PRKAR2A: variants seen among roughly 807,000 people sequenced by gnomAD.
PRKAR2A encodes cAMP-dependent protein kinase type II-alpha regulatory subunit.
PRKAR2A carries 29 observed loss-of-function variants against 51.9 expected under a neutral mutation model. That is an observed-to-expected ratio of 0.56 (90% CI 0.42 to 0.76). The LOEUF is 0.76. Ranked by LOEUF, PRKAR2A falls within the 30% of genes least tolerant of loss-of-function variation. The pLI, the probability that PRKAR2A is intolerant of heterozygous loss-of-function variation, is 0.00. For missense variants in PRKAR2A, 445 were observed against 512.1 expected, an observed-to-expected ratio of 0.87 and a Z score of 1.26; for synonymous variants, 178 against 186.2, an observed-to-expected ratio of 0.96 and a Z score of 0.36.
rs556357751 is a variant in PRKAR2A at position 48,751,486 on chromosome 3, C to T, written c.*99G>A. ...ACAGCAATGGCAGCAGTGGCGGCAA[C>T]GGCAGGAACAGTTCTGTCATGTCTG... On this transcript the variant is annotated 3_prime_UTR_variant, in exon 11 of 11. Transcript: ENST00000265563. 13 of 1,529,234 alleles carry T rather than the reference C, an allele frequency of 8.5e-6. No homozygotes were observed. The Middle Eastern group carries it at 5.1e-4, about 60-fold the overall frequency. The allele number at this position is 1,529,234 out of a possible 1,614,324, so 94.7% of individuals were successfully genotyped here.
intron 9 of PRKAR2A, among the ~76,000 whole-genome samples, chr3:48,754,132 C>G (rs1489431003): frequency 6.6e-6 from 1 of 151,912 alleles, no homozygotes; most frequent in African/African-American, 2.4e-5. Flanking sequence ...GATCTCCTGA[C>G]CTCGTGATCC....
At chr3:48,839,702 C>T (rs1386504350) in intron 1 of PRKAR2A, among the ~76,000 whole-genome samples, 1 of 139,860 alleles carries the variant, frequency 7.2e-6, no homozygotes, top group African/African-American at 2.6e-5. Flanking sequence ...AAGGACCTCA[C>T]TAAGCAAAGC....
chr3:48,821,825 GA>G (rs2082966547), intron 1 of PRKAR2A, among the ~76,000 whole-genome samples: 1 of 151,204 alleles, frequency 6.6e-6, no homozygotes, highest in Non-Finnish European at 1.5e-5. Flanking sequence ...TGAGGCAGCA[GA>G]ATCGCTTGAA....
rs139959307 is a variant in PRKAR2A, at chr3:48,847,408, C to T, written c.189G>A (p.Pro63=). The change falls in exon 1 of 11, where the codon CCG becomes CCA. Residue 63 remains proline, a synonymous_variant. Transcript: ENST00000265563. The surrounding 1 kb of genome is among the most constrained non-coding windows in gnomAD (Gnocchi z 4.4). ...ATPRQSLGHP[P]PEPGPDRVAD... ...CGACACGGTCCGGGCCGGGTTCTGG[C>T]GGGGGGTGGCCCAGGCTCTGGCGTG... 1.5e-4 allele frequency: 245 copies of T among 1,603,494 alleles called. No individual in the cohort carries two copies. The highest frequency in any genetic ancestry group is 1.8e-4 in the Non-Finnish European group (216 of 1,175,212).
In PRKAR2A at chr3:48,749,565, T is replaced by G. The variant is rs906373068; in HGVS notation, c.*2020A>C. On this transcript the variant is annotated 3_prime_UTR_variant, in exon 11 of 11. Transcript: ENST00000265563. ...GGTGCAATCTCGGCTCACTGCAACCTCCACTCCCAGGTTCAAGCGATTCTC... is the reference window on the plus strand; with the variant it reads ...GGTGCAATCTCGGCTCACTGCAACCGCCACTCCCAGGTTCAAGCGATTCTC... 2.1e-4 allele frequency: 31 copies of G among 151,172 alleles called. No homozygotes were observed. Among genetic ancestry groups the G allele is most frequent in the African/African-American group, 7.1e-4 (29 of 41,080 alleles). The allele number at this position is 151,172 out of a possible 1,614,324, so 9.4% of individuals were successfully genotyped here.
At chr3:48,790,941 G>A (rs2082371858) in intron 3 of PRKAR2A, among the ~76,000 whole-genome samples, 1 of 150,684 alleles carries the variant, frequency 6.6e-6, no homozygotes, top group African/African-American at 2.4e-5. Context: ...ATTGAGCATC[G>A]ACTCAAAAAA....
At chr3:48,833,143 C>A (rs1231020296) in intron 1 of PRKAR2A, among the ~76,000 whole-genome samples, 1 of 152,152 alleles carries the variant, frequency 6.6e-6, no homozygotes, top group Non-Finnish European at 1.5e-5. Flanking sequence ...TCAAAGAATC[C>A]TCCTTCCTCA....
intron 3 of PRKAR2A, among the ~76,000 whole-genome samples, chr3:48,792,955 T>C (rs1286622864): frequency 6.6e-6 from 1 of 151,514 alleles, no homozygotes; most frequent in East Asian, 1.9e-4. Flanking sequence ...ACAAACGTAA[T>C]TTATGTCAAT....
intron 8 of PRKAR2A, among the ~76,000 whole-genome samples, chr3:48,758,804 A>G (rs2081816406): frequency 6.6e-6 from 1 of 152,134 alleles, no homozygotes; most frequent in African/African-American, 2.4e-5. Flanking sequence ...AGTCTAAGAA[A>G]GTAGGTACTA....
intron 1 of PRKAR2A, among the ~76,000 whole-genome samples, chr3:48,836,640 G>A (rs1169326551): frequency 1.3e-5 from 2 of 151,346 alleles, no homozygotes; most frequent in African/African-American, 4.9e-5. Context: ...AGACACATCC[G>A]ATTTCATCAG....
intron 9 of PRKAR2A, 53 bp from the exon 10 acceptor site, chr3:48,752,370 A>C: frequency 6.3e-7 from 1 of 1,582,044 alleles, no homozygotes; most frequent in Admixed American, 1.8e-5. Context: ...ACAGCTGGGC[A>C]TGTCCAGTTG....
chr3:48,790,472 A>G, intron 4 of PRKAR2A, 72 bp downstream of exon 4: 1 of 1,120,474 alleles, frequency 8.9e-7, no homozygotes, highest in Non-Finnish European at 1.3e-6. Context: ...GCTAAAAATT[A>G]AAGTTTAAGT....
chr3:48,847,414 G>T lies in PRKAR2A; in HGVS notation c.183C>A (p.His61Gln). 1.2e-6 allele frequency: 2 copies of T among 1,601,228 alleles called. No homozygotes were observed. Among genetic ancestry groups the T allele is most frequent in the Non-Finnish European group, 1.7e-6 (2 of 1,174,012 alleles). Reference sequence around the variant, plus strand: ...GGTCCGGGCCGGGTTCTGGCGGGGGGTGGCCCAGGCTCTGGCGTGGGGTGG... The same window carrying T: ...GGTCCGGGCCGGGTTCTGGCGGGGGTTGGCCCAGGCTCTGGCGTGGGGTGG... ...PAATPRQSLG[H>Q]PPPEPGPDRV... The change falls in exon 1 of 11, where the codon CAC (histidine) becomes CAA (glutamine). Residue 61 changes from histidine to glutamine, a missense_variant. Physicochemically the swap from His to Gln is conservative, Grantham distance 24. Coordinates refer to ENST00000265563, the MANE Select transcript of PRKAR2A (RefSeq NM_004157.4). This position sits in a 1 kb window ranked among gnomAD's most constrained non-coding sequence, Gnocchi z 4.4.
At position 48,845,925 on chromosome 3, in the gene PRKAR2A, G is replaced by A. The variant is rs1353838455; in HGVS notation, c.262+1410C>T. Among the ~76,000 whole-genome samples, 3 of 151,506 alleles carry A rather than the reference G, an allele frequency of 2.0e-5. No homozygotes were observed. The East Asian group carries it at 5.8e-4, about 29-fold the overall frequency. ...TGTGCCACTACACCCCAGCCTGGGT[G>A]ACAGAGCGAGATCCTGACTTTAAAA... On this transcript the variant is annotated intron_variant, in intron 1 of 10. Transcript: ENST00000265563.
intron 1 of PRKAR2A, among the ~76,000 whole-genome samples, chr3:48,843,288 G>C (rs1418127299): frequency 6.6e-6 from 1 of 151,842 alleles, no homozygotes; most frequent in African/African-American, 2.4e-5. Context: ...GCGTCTATTT[G>C]ATTCTTCTCT....
chr3:48,791,343 T>A (rs2082381887), intron 3 of PRKAR2A, among the ~76,000 whole-genome samples: 2 of 127,254 alleles, frequency 1.6e-5, no homozygotes, highest in African/African-American at 3.0e-5. Flanking sequence ...ACGCCTGTAA[T>A]CCCAGCACTT....
intron 1 of PRKAR2A, among the ~76,000 whole-genome samples, chr3:48,832,155 G>A (rs138934873): frequency 2.8e-4 from 43 of 151,938 alleles, no homozygotes; most frequent in African/African-American, 9.2e-4. Context: ...CTAGCAGGGC[G>A]TGGTGGCGGG....
chr3:48,838,340 C>T (rs1408344627), intron 1 of PRKAR2A, among the ~76,000 whole-genome samples: 2 of 152,072 alleles, frequency 1.3e-5, no homozygotes, highest in Admixed American at 6.6e-5. Flanking sequence ...GGCGCAGTGG[C>T]TCACACCTGT....
intron 1 of PRKAR2A, among the ~76,000 whole-genome samples, chr3:48,817,097 G>A (rs538177945): frequency 3.7e-4 from 56 of 152,158 alleles, no homozygotes; most frequent in African/African-American, 1.2e-3. Context: ...GGAAGGCTGA[G>A]GCAGGTGGAT....
Sources: gnomAD v4.1 joint callset for allele counts (sites outside exome capture counted in the v4.1 genomes callset) on GRCh38, gnomAD v4.1.1 for gene constraint, Gnocchi (gnomAD v3.1) non-coding constraint, MANE v1.5 for transcripts, NCBI Gene and HGNC (gene_info 2026-07-23, HGNC 2026-07-21) for gene names.